The following PRRX2 variants were observed in gnomAD, a reference collection of about 807,000 sequenced individuals.
PRRX2 encodes the protein paired mesoderm homeobox protein 2.
In PRRX2, 11 loss-of-function variants were observed where a neutral mutation model predicts 18.0. The observed-to-expected ratio is 0.61, with a 90% CI of 0.39 to 1.01. The LOEUF (loss-of-function observed/expected upper bound fraction) is 1.01. Ranked by LOEUF, PRRX2 falls within the 50% of genes least tolerant of loss-of-function variation. The pLI is 0.01. For synonymous variants in PRRX2, 177 were observed against 154.8 expected, an observed-to-expected ratio of 1.14 and a Z score of -1.06; for missense variants, 387 against 351.0, an observed-to-expected ratio of 1.10 and a Z score of -0.82.
At chr9:129,712,199 G>A (rs972368110) in intron 1 of PRRX2, among the ~76,000 whole-genome samples, 1 of 152,176 alleles carries the variant, frequency 6.6e-6, no homozygotes, top group Non-Finnish European at 1.5e-5. Flanking sequence ...GATCACGTTG[G>A]GGGTGGTGAG....
At position 129,718,539 on chromosome 9, in the gene PRRX2, T is replaced by C. The variant is rs542907954; in HGVS notation, c.260-692T>C. ...AAGGCTGCTCTCAACAGCTGCCTGA[T>C]TGGCTAAAAAGGAGAAGATGAGGAC... is the stretch of plus-strand genomic sequence containing the variant. On this transcript the variant is annotated intron_variant, in intron 1 of 3. Coordinates refer to ENST00000372469, the MANE Select transcript of PRRX2 (RefSeq NM_016307.4). 3.9e-5 allele frequency: 6 copies of C among 152,426 alleles called. No individual in the cohort carries two copies. The South Asian group carries it at 8.3e-4, about 21-fold the overall frequency. The allele number at this position is 152,426 out of a possible 1,614,324, so 9.4% of individuals were successfully genotyped here.
intron 1 of PRRX2, among the ~76,000 whole-genome samples, chr9:129,683,628 G>C (rs963912319): frequency 2.0e-5 from 3 of 152,100 alleles, no homozygotes; most frequent in African/African-American, 7.2e-5. Flanking sequence ...CCAACTACTC[G>C]GGAGGCTGAG....
chr9:129,687,453 A>AC (rs1832310904), intron 1 of PRRX2, among the ~76,000 whole-genome samples: 2 of 152,234 alleles, frequency 1.3e-5, no homozygotes, highest in South Asian at 4.1e-4. Context: ...TGGCTGGGAA[A>AC]CTGAGGCACA....
At position 129,697,719 on chromosome 9, in the gene PRRX2, C is replaced by A. The variant is rs1180697705; in HGVS notation, c.260-21512C>A. On this transcript the variant is annotated intron_variant, in intron 1 of 3. Coordinates refer to ENST00000372469, the MANE Select transcript of PRRX2 (RefSeq NM_016307.4). ...CCCACGAGACGGGTGGGGTCCGCCTCGCCCCTCGGCCCTGTCCCGGGGGAG... is the reference window on the plus strand; with the variant it reads ...CCCACGAGACGGGTGGGGTCCGCCTAGCCCCTCGGCCCTGTCCCGGGGGAG... Among the ~76,000 whole-genome samples, 4 of 152,170 alleles carry A rather than the reference C, an allele frequency of 2.6e-5. No homozygotes were observed. In the East Asian group the frequency reaches 7.8e-4, roughly 30 times the overall value.
chr9:129,689,612 C>T (rs191176185), intron 1 of PRRX2, among the ~76,000 whole-genome samples: 203 of 152,016 alleles, frequency 1.3e-3, no homozygotes, highest in African/African-American at 4.5e-3. Flanking sequence ...CACTTGGTGT[C>T]GCCAGTGAGT....
intron 1 of PRRX2, among the ~76,000 whole-genome samples, chr9:129,674,613 C>T (rs972974675): frequency 1.3e-5 from 2 of 152,072 alleles, no homozygotes; most frequent in African/African-American, 2.4e-5. Flanking sequence ...GGGACCCCCC[C>T]GCCCCCAGAG....
chr9:129,714,273 C>T (rs2130932781), intron 1 of PRRX2, among the ~76,000 whole-genome samples: 1 of 151,850 alleles, frequency 6.6e-6, no homozygotes, highest in Non-Finnish European at 1.5e-5. Flanking sequence ...CCACTGTACT[C>T]CAGCCTATAA....
chr9:129,714,198 G>A (rs369278391), intron 1 of PRRX2, among the ~76,000 whole-genome samples: 40 of 151,566 alleles, frequency 2.6e-4, no homozygotes, highest in African/African-American at 8.5e-4. Flanking sequence ...CCAGCTACTC[G>A]AGAGGCTGAG....
At chr9:129,706,963 T>G (rs1832565078) in intron 1 of PRRX2, among the ~76,000 whole-genome samples, 2 of 152,030 alleles carry the variant, frequency 1.3e-5, no homozygotes, top group African/African-American at 4.8e-5. Context: ...ATAAAAGAAA[T>G]CATTCACTAG....
intron 1 of PRRX2, among the ~76,000 whole-genome samples, chr9:129,670,777 A>G (rs1019895685): frequency 2.6e-5 from 4 of 152,214 alleles, no homozygotes; most frequent in Non-Finnish European, 5.9e-5. Context: ...GCATCATCAC[A>G]AGACCAGAGC....
At chr9:129,698,960 T>G (rs547067056) in intron 1 of PRRX2, among the ~76,000 whole-genome samples, 17 of 152,274 alleles carry the variant, frequency 1.1e-4, no homozygotes, top group Non-Finnish European at 2.2e-4. Context: ...TGGAGGGCCA[T>G]CAGGATAGCC....
At chr9:129,714,867 G>C (rs1055237979) in intron 1 of PRRX2, among the ~76,000 whole-genome samples, 5 of 152,166 alleles carry the variant, frequency 3.3e-5, no homozygotes, top group African/African-American at 1.2e-4. Flanking sequence ...CTGCCTGAAG[G>C]GGGGTGGAAA....
chr9:129,680,081 C>T (rs1832207357), intron 1 of PRRX2, among the ~76,000 whole-genome samples: 2 of 152,132 alleles, frequency 1.3e-5, no homozygotes, highest in Admixed American at 6.5e-5. Context: ...AGCTTTACGC[C>T]TGCCTCGCCC....
rs72324782 is a variant in PRRX2 at position 129,684,427 on chromosome 9, AACACACAC to A, written c.259+18326_259+18333del. 1.7e-3 allele frequency among the ~76,000 whole-genome samples: 143 copies of A among 83,012 alleles called. 1 individual carries two copies. Among genetic ancestry groups the A allele is most frequent in the African/African-American group, 4.8e-3 (105 of 21,688 alleles). 54.5% of individuals were successfully genotyped at this position (83,012 alleles called of 152,430 possible). A position where few individuals can be genotyped will look rare whatever the true frequency, so the allele number is the denominator to read the frequency against. ...CACAGAGAGAGACACACACAGATAC[AACACACAC>A]ACACACACACACACACACACACACC... On this transcript the variant is annotated intron_variant, in intron 1 of 3. Transcript: ENST00000372469.
Position 129,677,426 on chromosome 9 carries a change from G to A in PRRX2, c.259+11300G>A, listed in dbSNP as rs746343100. 2.3e-4 allele frequency among the ~76,000 whole-genome samples: 35 copies of A among 152,356 alleles called. 1 individual carries two copies. The highest frequency in any genetic ancestry group is 3.4e-3 in the Middle Eastern group (1 of 294). On this transcript the variant is annotated intron_variant, in intron 1 of 3. Transcript: ENST00000372469. The stretch of plus-strand genomic sequence containing the variant: ...GCCTCAGATGGCCAAGGAGCCGCGC[G>A]GGGTTCTCCTGCTAGAAGCAGCCTA...
intron 1 of PRRX2, among the ~76,000 whole-genome samples, chr9:129,708,777 A>G (rs1588173176): frequency 1.3e-5 from 2 of 152,282 alleles, no homozygotes; most frequent in East Asian, 3.9e-4. Flanking sequence ...GGAAGTTGAG[A>G]CTTCAGATCC....
intron 1 of PRRX2, among the ~76,000 whole-genome samples, chr9:129,677,788 G>T (rs548375457): frequency 6.6e-6 from 1 of 152,328 alleles, no homozygotes; most frequent in South Asian, 2.1e-4. Flanking sequence ...AGGGCTCAAA[G>T]CGGGAAATTG....
At position 129,715,878 on chromosome 9, in the gene PRRX2, C is replaced by CT. The variant is rs2130934121; in HGVS notation, c.260-3352dup. Reference sequence around the variant, plus strand: ...TCAGTAAACCCTCCTAACCTGGGAACTGATTAAAAGCAGATATTCAGCAGT... The same window carrying CT: ...TCAGTAAACCCTCCTAACCTGGGAACTTGATTAAAAGCAGATATTCAGCAGT... On this transcript the variant is annotated intron_variant, in intron 1 of 3. Transcript: ENST00000372469. This position sits in a 1 kb window ranked among gnomAD's most constrained non-coding sequence, Gnocchi z 4.0. 6.6e-6 allele frequency among the ~76,000 whole-genome samples: 1 copy of CT among 152,092 alleles called. No individual in the cohort carries two copies. Among genetic ancestry groups the CT allele is most frequent in the East Asian group, 1.9e-4 (1 of 5,174 alleles).
At chr9:129,667,862 C>T (rs1032226728) in intron 1 of PRRX2, among the ~76,000 whole-genome samples, 6 of 152,162 alleles carry the variant, frequency 3.9e-5, no homozygotes, top group African/African-American at 1.4e-4. Context: ...GTGGGTCTCC[C>T]CAGCAGCTCC....
Sources: gnomAD v4.1 joint callset for allele counts (sites outside exome capture counted in the v4.1 genomes callset) on GRCh38, gnomAD v4.1.1 for gene constraint, Gnocchi (gnomAD v3.1) non-coding constraint, MANE v1.5 for transcripts, NCBI Gene and HGNC (gene_info 2026-07-23, HGNC 2026-07-21) for gene names.